Variants in MBD5 observed in about 807,000 individuals in gnomAD.
MBD5 encodes methyl-CpG binding domain protein 5, also known as methyl-CpG-binding domain protein 5.
Under a neutral mutation model 117.3 loss-of-function variants are expected in MBD5, and 13 were observed. The observed-to-expected ratio is 0.11, with a 90% CI of 0.07 to 0.18. The LOEUF (loss-of-function observed/expected upper bound fraction) is 0.18. MBD5 is among the 10% of genes least tolerant of loss of function. MBD5 has a pLI of 1.00. For synonymous variants in MBD5, 727 were observed against 766.4 expected (o/e 0.95, Z 0.85); for missense variants, 1,879 against 2,093.8 (o/e 0.90, Z 2.00).
chr2:148,080,267 A>C (rs1279265671), intron 1 of MBD5, among the ~76,000 whole-genome samples: 1 of 152,214 alleles, frequency 6.6e-6, no homozygotes, highest in Non-Finnish European at 1.5e-5. Context: ...ATGTATTAAA[A>C]TCATAATCCT....
At chr2:148,462,026 T>A (rs1707098307) in intron 5 of MBD5, among the ~76,000 whole-genome samples, 1 of 152,052 alleles carries the variant, frequency 6.6e-6, no homozygotes, top group African/African-American at 2.4e-5. Context: ...CTATTATATC[T>A]TTAAAGAAAC....
intron 2 of MBD5, among the ~76,000 whole-genome samples, chr2:148,188,582 C>G (rs530005800): frequency 1.3e-5 from 2 of 150,134 alleles, no homozygotes; most frequent in African/African-American, 4.9e-5. Flanking sequence ...GAGGCTGAGG[C>G]TGAAATGAGA....
chr2:148,354,874 C>G (rs972069199), intron 4 of MBD5, among the ~76,000 whole-genome samples: 1 of 151,746 alleles, frequency 6.6e-6, no homozygotes, highest in Non-Finnish European at 1.5e-5. Context: ...TTTTTTCATA[C>G]GTTTGTTGGC....
chr2:148,466,701 G>T (rs189521420), intron 7 of MBD5, among the ~76,000 whole-genome samples: 292 of 152,174 alleles, frequency 1.9e-3, no homozygotes, highest in Non-Finnish European at 3.6e-3. Context: ...TTTATCTACT[G>T]CAATTCTCTC....
intron 1 of MBD5, among the ~76,000 whole-genome samples, chr2:148,064,588 G>A (rs1695134927): frequency 1.3e-5 from 2 of 152,004 alleles, no homozygotes; most frequent in Non-Finnish European, 2.9e-5. Context: ...GAGGCAAACC[G>A]ATTCTCCCAG....
intron 3 of MBD5, among the ~76,000 whole-genome samples, chr2:148,259,243 A>C (rs13032996): frequency 0.3 from 46,166 of 151,996 alleles, 7,523 homozygotes; most frequent in South Asian, 0.43. Flanking sequence ...GCTCACCTGC[A>C]ACCAACGTGC....
chr2:148,475,486 A>G (rs1680934616), intron 8 of MBD5, among the ~76,000 whole-genome samples: 2 of 152,116 alleles, frequency 1.3e-5, no homozygotes, highest in Non-Finnish European at 2.9e-5. Context: ...AAATATGTTC[A>G]GCTGTAGACG....
intron 4 of MBD5, among the ~76,000 whole-genome samples, chr2:148,384,693 T>G (rs12623249): frequency 0.74 from 112,480 of 151,404 alleles, 42,529 homozygotes; most frequent in African/African-American, 0.89. Flanking sequence ...GAGGCATCAC[T>G]CTACCTGACT....
At chr2:148,098,688 G>A (rs1696126702) in intron 1 of MBD5, among the ~76,000 whole-genome samples, 4 of 152,134 alleles carry the variant, frequency 2.6e-5, no homozygotes, top group Admixed American at 2.6e-4. Flanking sequence ...GTATTCTACT[G>A]TTTCAGAAGT....
intron 7 of MBD5, among the ~76,000 whole-genome samples, chr2:148,464,555 C>G (rs1707198613): frequency 6.6e-6 from 1 of 152,046 alleles, no homozygotes. Context: ...TAAACACGAT[C>G]TAAGGCTCAC....
At chr2:148,214,325 A>T (rs1290478644) in intron 2 of MBD5, among the ~76,000 whole-genome samples, 1 of 152,212 alleles carries the variant, frequency 6.6e-6, no homozygotes, top group Non-Finnish European at 1.5e-5. Context: ...GTATTTATAG[A>T]CACTGAAATT....
At chr2:148,510,023 A>AT (rs1559109019) in intron 12 of MBD5, 37 bp from the exon 13 acceptor site, 2 of 1,479,164 alleles carry the variant, frequency 1.4e-6, no homozygotes, top group Admixed American at 3.4e-5. Context: ...TGTTTCTTTA[A>AT]TTTTTTAATC....
At chr2:148,200,951 T>G (rs1699125070) in intron 2 of MBD5, among the ~76,000 whole-genome samples, 1 of 152,210 alleles carries the variant, frequency 6.6e-6, no homozygotes, top group Non-Finnish European at 1.5e-5. Flanking sequence ...TTTATTTATT[T>G]GTTAATTCAT....
intron 1 of MBD5, among the ~76,000 whole-genome samples, chr2:148,032,060 A>C (rs1694053296): frequency 6.6e-6 from 1 of 152,140 alleles, no homozygotes; most frequent in Non-Finnish European, 1.5e-5. Context: ...AAGTTTAAAG[A>C]GTTCTAATAT....
At chr2:148,319,877 G>A (rs1029081995) in intron 3 of MBD5, among the ~76,000 whole-genome samples, 1 of 152,154 alleles carries the variant, frequency 6.6e-6, no homozygotes, top group Non-Finnish European at 1.5e-5. Context: ...CAAGTATGAT[G>A]TTGGCTCTGG....
intron 1 of MBD5, chr2:148,025,232 AT>A (rs1216539265): frequency 6.6e-6 from 1 of 152,216 alleles, no homozygotes; most frequent in African/African-American, 2.4e-5. Context: ...TCTTAATTGT[AT>A]TCCACAAGTG....
Position 148,458,657 on chromosome 2 carries a change from A to T in MBD5, c.-102A>T. The T allele has an allele frequency of 1.0e-6, 1 of 964,008 alleles. No homozygotes were observed. Among genetic ancestry groups the T allele is most frequent in the Non-Finnish European group, 1.7e-6 (1 of 596,712 alleles). The allele number at this position is 964,008 out of a possible 1,614,324, so 59.7% of individuals were successfully genotyped here. On this transcript the variant is annotated 5_prime_UTR_variant, in exon 5 of 14. Transcript: ENST00000642680. ...ATGCGTTTTGTACAGTCTGGGAAAAACTGTGCTGCACTGGCCCACTTTTGA... is the reference window on the plus strand; with the variant it reads ...ATGCGTTTTGTACAGTCTGGGAAAATCTGTGCTGCACTGGCCCACTTTTGA...
At chr2:148,436,072 G>C (rs370821869) in intron 4 of MBD5, among the ~76,000 whole-genome samples, 1 of 152,286 alleles carries the variant, frequency 6.6e-6, no homozygotes, top group South Asian at 2.1e-4. Context: ...GCATTTGTAA[G>C]TTAAGATACC....
intron 4 of MBD5, among the ~76,000 whole-genome samples, chr2:148,388,792 A>G (rs1323690776): frequency 6.6e-6 from 1 of 152,092 alleles, no homozygotes; most frequent in East Asian, 1.9e-4. Flanking sequence ...GTCCTACTGG[A>G]TTGGAACCAC....
Sources: gnomAD v4.1 joint callset for allele counts (sites outside exome capture counted in the v4.1 genomes callset) on GRCh38, gnomAD v4.1.1 for gene constraint, MANE v1.5 for transcripts, NCBI Gene and HGNC (gene_info 2026-07-23, HGNC 2026-07-21) for gene names.